The following SLIT2 variants were observed in gnomAD, a reference collection of about 807,000 sequenced individuals.
SLIT2 encodes the protein slit homolog 2 protein.
SLIT2 carries 41 observed loss-of-function variants against 185.7 expected under a neutral mutation model. The ratio of observed to expected loss-of-function variants is 0.22; its 90% CI spans 0.17 to 0.29. The LOEUF (loss-of-function observed/expected upper bound fraction) is 0.29. SLIT2 is among the 10% of genes least tolerant of loss of function. The pLI is 1.00. For synonymous variants in SLIT2, 693 were observed against 680.2 expected (o/e 1.02, Z -0.29); for missense variants, 1,571 against 1,909.0 (o/e 0.82, Z 3.30).
At chr4:20,517,189 C>G (rs772227101) in intron 11 of SLIT2, among the ~76,000 whole-genome samples, 46 of 152,170 alleles carry the variant, frequency 3.0e-4, no homozygotes, top group Non-Finnish European at 5.6e-4. Flanking sequence ...CAAAATTACT[C>G]TTTTGGATTG....
chr4:20,519,456 A>G lies in SLIT2; in HGVS notation c.1130+3A>G. 6.5e-7 allele frequency: 1 copy of G among 1,544,446 alleles called. No homozygotes were observed. Among genetic ancestry groups the G allele is most frequent in the Non-Finnish European group, 8.9e-7 (1 of 1,118,290 alleles). On this transcript the variant is annotated splice_donor_region_variant and intron_variant, in intron 12 of 36. Transcript: ENST00000504154. ...GGACTGTTTTCCTTACAGCTCCTGTAAGTATTTGATTGTTTTGGATCTCTC... is the reference window on the plus strand; with the variant it reads ...GGACTGTTTTCCTTACAGCTCCTGTGAGTATTTGATTGTTTTGGATCTCTC...
intron 4 of SLIT2, among the ~76,000 whole-genome samples, chr4:20,385,594 C>T (rs183551397): frequency 3.9e-5 from 6 of 152,262 alleles, no homozygotes; most frequent in Admixed American, 3.9e-4. Flanking sequence ...CTGTTTATTT[C>T]ATCGGTGAAA....
Position 20,523,805 on chromosome 4 carries a change from T to C in SLIT2, c.1176T>C (p.Phe392=). The C allele has an allele frequency of 6.2e-7, 1 of 1,613,854 alleles. No homozygotes were observed. The highest frequency in any genetic ancestry group is 8.5e-7 in the Non-Finnish European group (1 of 1,179,734). ...TAAACTGCCTTCGGGTAGATGCTTT[T>C]CAGGATCTCCACAACTTGAACCTTC... The part of the protein sequence containing the change: ...NKINCLRVDA[F]QDLHNLNLLS... The change falls in exon 13 of 37, where the codon TTT becomes TTC. Residue 392 remains phenylalanine (F), a synonymous_variant. Coordinates refer to ENST00000504154, the MANE Select transcript of SLIT2 (RefSeq NM_004787.4).
At chr4:20,360,043 G>T (rs1461820396) in intron 4 of SLIT2, among the ~76,000 whole-genome samples, 2 of 151,924 alleles carry the variant, frequency 1.3e-5, no homozygotes, top group Non-Finnish European at 2.9e-5. Flanking sequence ...GAAAATGAAG[G>T]ATTCCTCATT....
chr4:20,617,046 C>A lies in SLIT2; in HGVS notation c.3984C>A (p.Gly1328=), dbSNP rs751773560. 2 of 1,614,202 alleles carry A rather than the reference C, an allele frequency of 1.2e-6. No individual in the cohort carries two copies. Among genetic ancestry groups the A allele is most frequent in the South Asian group, 1.1e-5 (1 of 91,082 alleles). The change falls in exon 35 of 37, where the codon GGC becomes GGA. Residue 1328 remains glycine (G), a synonymous_variant. Coordinates refer to ENST00000504154, the MANE Select transcript of SLIT2 (RefSeq NM_004787.4). The part of the protein sequence containing the change: ...QDFQKVPMQT[G]ILPGCEPCHK... ...TCCAGAAGGTGCCGATGCAAACAGG[C>A]ATTTTGCCTGGCTGTGAGCCATGCC...
At position 20,384,502 on chromosome 4, in the gene SLIT2, G is replaced by A. The variant is rs548719364; in HGVS notation, c.396-83250G>A. Among the ~76,000 whole-genome samples the A allele has an allele frequency of 3.9e-5, 6 of 152,094 alleles. No homozygotes were observed. The South Asian group carries it at 8.3e-4, about 21-fold the overall frequency. ...AATTTTACTGCTCATAAATTATACCGCAGGAAAACCGACTAAAAATAAGAT... is the reference window on the plus strand; with the variant it reads ...AATTTTACTGCTCATAAATTATACCACAGGAAAACCGACTAAAAATAAGAT... On this transcript the variant is annotated intron_variant, in intron 4 of 36. Transcript: ENST00000504154.
At chr4:20,410,952 A>G (rs1394482646) in intron 4 of SLIT2, among the ~76,000 whole-genome samples, 2 of 152,330 alleles carry the variant, frequency 1.3e-5, no homozygotes, top group African/African-American at 4.8e-5. Flanking sequence ...TCTGTAAAGA[A>G]TGTCAATGGT....
At chr4:20,603,110 TCA>T (rs1384423389) in intron 33 of SLIT2, among the ~76,000 whole-genome samples, 1 of 152,160 alleles carries the variant, frequency 6.6e-6, no homozygotes, top group Non-Finnish European at 1.5e-5. Flanking sequence ...TTTAATTGAC[TCA>T]CAGTTCCACA....
chr4:20,489,954 G>A (rs2148794753), intron 8 of SLIT2: 1 of 152,380 alleles, frequency 6.6e-6, no homozygotes, highest in South Asian at 2.1e-4. Context: ...CAGGCATGGT[G>A]GTGGGCGCCT....
At chr4:20,427,980 A>G (rs1187353654) in intron 4 of SLIT2, among the ~76,000 whole-genome samples, 1 of 152,134 alleles carries the variant, frequency 6.6e-6, no homozygotes, top group Non-Finnish European at 1.5e-5. Flanking sequence ...TGTGCTAATT[A>G]CTTCTCACTC....
chr4:20,431,838 C>A (rs1368039407), intron 4 of SLIT2, among the ~76,000 whole-genome samples: 1 of 152,178 alleles, frequency 6.6e-6, no homozygotes, highest in Non-Finnish European at 1.5e-5. Context: ...AAGTTGAGCT[C>A]CTGGCCGGGG....
In SLIT2 at chr4:20,502,444, T is replaced by C. The variant is rs74607009; in HGVS notation, c.915-8051T>C. Among the ~76,000 whole-genome samples, 1,520 of 152,300 alleles carry C rather than the reference T, an allele frequency of 1.0e-2. 29 individuals carry two copies. Among genetic ancestry groups the C allele is most frequent in the African/African-American group, 0.035 (1,443 of 41,560 alleles). On this transcript the variant is annotated intron_variant, in intron 9 of 36. Coordinates refer to ENST00000504154, the MANE Select transcript of SLIT2 (RefSeq NM_004787.4). The stretch of plus-strand genomic sequence containing the variant: ...GCATTATGGATGAAAGGGGACAGTC[T>C]CAACCTTCAAAATGTTTGCAGTGCA...
chr4:20,402,545 A>G (rs1726443513), intron 4 of SLIT2, among the ~76,000 whole-genome samples: 1 of 151,862 alleles, frequency 6.6e-6, no homozygotes, highest in Non-Finnish European at 1.5e-5. Flanking sequence ...AGCCTAAAGA[A>G]ATAAAAGGAA....
intron 6 of SLIT2, among the ~76,000 whole-genome samples, chr4:20,485,976 C>T (rs1717198156): frequency 6.6e-6 from 1 of 151,950 alleles, no homozygotes; most frequent in Non-Finnish European, 1.5e-5. Context: ...ATGAATGAAG[C>T]CATAAATTTG....
At chr4:20,420,216 T>C (rs1728066932) in intron 4 of SLIT2, among the ~76,000 whole-genome samples, 1 of 152,200 alleles carries the variant, frequency 6.6e-6, no homozygotes, top group South Asian at 2.1e-4. Flanking sequence ...GGTTAGGGTC[T>C]TCTCTGTCCA....
intron 26 of SLIT2, among the ~76,000 whole-genome samples, chr4:20,564,204 G>T (rs143835614): frequency 6.6e-6 from 1 of 151,792 alleles, no homozygotes; most frequent in South Asian, 2.1e-4. Flanking sequence ...AGAAAGTGTA[G>T]TGGATAGAAA....
intron 29 of SLIT2, among the ~76,000 whole-genome samples, chr4:20,573,419 A>G (rs940013188): frequency 6.6e-6 from 1 of 152,200 alleles, no homozygotes; most frequent in Admixed American, 6.5e-5. Flanking sequence ...TGTTTAATCT[A>G]TGCATCGCTA....
At chr4:20,347,721 A>G (rs1721542048) in intron 4 of SLIT2, among the ~76,000 whole-genome samples, 1 of 152,244 alleles carries the variant, frequency 6.6e-6, no homozygotes, top group African/African-American at 2.4e-5. Context: ...GCAACTGAGA[A>G]GGCGAGAGAG....
intron 4 of SLIT2, among the ~76,000 whole-genome samples, chr4:20,325,080 C>T (rs1719448240): frequency 6.6e-6 from 1 of 151,852 alleles, no homozygotes; most frequent in Admixed American, 6.6e-5. Context: ...CTCTTTTCTT[C>T]CTCTCCCTCC....
Sources: gnomAD v4.1 joint callset for allele counts (sites outside exome capture counted in the v4.1 genomes callset) on GRCh38, gnomAD v4.1.1 for gene constraint, MANE v1.5 for transcripts, NCBI Gene and HGNC (gene_info 2026-07-23, HGNC 2026-07-21) for gene names.